Variants in SPAG16 observed in about 807,000 individuals in gnomAD.
SPAG16 encodes the protein sperm associated antigen 16, also known as sperm-associated antigen 16 protein.
Under a neutral mutation model 80.4 loss-of-function variants are expected in SPAG16, and 86 were observed. The ratio of observed to expected loss-of-function variants is 1.07; its 90% CI spans 0.90 to 1.28. The LOEUF (loss-of-function observed/expected upper bound fraction) is 1.28. Ranked by LOEUF, SPAG16 falls within the 50% of genes most tolerant of loss-of-function variation. SPAG16 has a pLI of 0.00. For missense variants in SPAG16, 870 were observed against 765.3 expected (o/e 1.14, Z -1.61); for synonymous variants, 294 against 265.9 (o/e 1.11, Z -1.03).
At chr2:213,444,199 C>T (rs1179163424) in intron 9 of SPAG16, among the ~76,000 whole-genome samples, 5 of 152,118 alleles carry the variant, frequency 3.3e-5, no homozygotes, top group South Asian at 4.1e-4. Flanking sequence ...AACCTTGGGG[C>T]TCTGTAAGTG....
intron 10 of SPAG16, among the ~76,000 whole-genome samples, chr2:213,768,763 A>ATT (rs930035775): frequency 6.6e-6 from 1 of 152,220 alleles, no homozygotes; most frequent in Non-Finnish European, 1.5e-5. Flanking sequence ...GTGGCTATAA[A>ATT]TTTGTAAATC....
At chr2:213,922,655 G>T (rs569420901) in intron 11 of SPAG16, among the ~76,000 whole-genome samples, 1 of 152,110 alleles carries the variant, frequency 6.6e-6, no homozygotes, top group African/African-American at 2.4e-5. Flanking sequence ...ATTTGTGTGG[G>T]CTGATGTTCC....
chr2:213,404,004 T>C lies in SPAG16; in HGVS notation c.942+28885T>C, dbSNP rs1268509141. 3.3e-5 allele frequency among the ~76,000 whole-genome samples: 5 copies of C among 152,046 alleles called. 1 individual carries two copies. The highest frequency in any genetic ancestry group is 4.1e-4 in the South Asian group (2 of 4,820). ...ACCTAGGAATCCAACTTACAAGGGA[T>C]GTGAAGGACCTCTTCAAGGAGAACT... On this transcript the variant is annotated intron_variant, in intron 9 of 15. Coordinates refer to ENST00000331683, the MANE Select transcript of SPAG16 (RefSeq NM_024532.5).
At chr2:213,836,005 G>A (rs953663689) in intron 10 of SPAG16, among the ~76,000 whole-genome samples, 1 of 152,014 alleles carries the variant, frequency 6.6e-6, no homozygotes, top group Non-Finnish European at 1.5e-5. Flanking sequence ...TTGATAAGTG[G>A]TTTCTTTATA....
chr2:214,231,904 TAA>T (rs1688727928), intron 15 of SPAG16, among the ~76,000 whole-genome samples: 1 of 152,118 alleles, frequency 6.6e-6, no homozygotes, highest in South Asian at 2.1e-4. Context: ...TTTCTTTTAT[TAA>T]AAAGAGACTA....
chr2:213,667,459 G>A (rs1035100658), intron 10 of SPAG16, among the ~76,000 whole-genome samples: 3 of 152,164 alleles, frequency 2.0e-5, no homozygotes, highest in Non-Finnish European at 2.9e-5. Flanking sequence ...GGTAAACTAA[G>A]TGATCTCTAA....
chr2:213,642,077 G>A (rs886459806), intron 10 of SPAG16, among the ~76,000 whole-genome samples: 12 of 152,194 alleles, frequency 7.9e-5, no homozygotes, highest in African/African-American at 2.9e-4. Flanking sequence ...AATTCAAGAT[G>A]AGATTTGGGT....
intron 14 of SPAG16, among the ~76,000 whole-genome samples, chr2:214,123,128 T>A (rs892195545): frequency 6.6e-6 from 1 of 151,924 alleles, no homozygotes; most frequent in East Asian, 1.9e-4. Flanking sequence ...TTAAAAAAAT[T>A]AATTAGAATA....
chr2:213,794,821 G>T (rs2070925594), intron 10 of SPAG16, among the ~76,000 whole-genome samples: 1 of 152,112 alleles, frequency 6.6e-6, no homozygotes, highest in Admixed American at 6.5e-5. Context: ...TAAGATGGCA[G>T]TTGATAAGAG....
At chr2:213,681,396 T>C (rs565278393) in intron 10 of SPAG16, among the ~76,000 whole-genome samples, 1 of 152,266 alleles carries the variant, frequency 6.6e-6, no homozygotes, top group Admixed American at 6.5e-5. Flanking sequence ...AGATAAAAAA[T>C]CAGAACTTAG....
At chr2:214,312,010 T>C (rs1272156384) in intron 15 of SPAG16, among the ~76,000 whole-genome samples, 2 of 152,196 alleles carry the variant, frequency 1.3e-5, no homozygotes, top group Non-Finnish European at 2.9e-5. Flanking sequence ...TGACAGCGTA[T>C]ATTTGAAAAT....
rs2062331301 is a variant in SPAG16, at chr2:213,292,669, A to AAAAAC, written c.137-3391_137-3390insCAAAA. On this transcript the variant is annotated intron_variant, in intron 1 of 15. Transcript: ENST00000331683. ...ACAGAGCGAGACTCCGTCTCAAAAA[A>AAAAAC]AAAAAACAAAAAAAACAAAAAAAAA... Among the ~76,000 whole-genome samples the AAAAAC allele has an allele frequency of 3.9e-5, 5 of 128,468 alleles. No individual in the cohort carries two copies. In the South Asian group the frequency reaches 1.1e-3, roughly 29 times the overall value. The allele number at this position is 128,468 out of a possible 152,430, so 84.3% of individuals were successfully genotyped here.
chr2:213,350,002 G>T (rs2065237191), intron 6 of SPAG16, among the ~76,000 whole-genome samples: 1 of 152,116 alleles, frequency 6.6e-6, no homozygotes, highest in Non-Finnish European at 1.5e-5. Flanking sequence ...AAATAAAACA[G>T]ATTTTTTAAA....
chr2:214,038,394 C>G (rs2048821977), intron 13 of SPAG16, among the ~76,000 whole-genome samples: 1 of 151,986 alleles, frequency 6.6e-6, no homozygotes, highest in Admixed American at 6.6e-5. Context: ...TTTGTCAGAA[C>G]ATATAACACA....
chr2:214,322,943 G>A (rs1249603642), intron 15 of SPAG16, among the ~76,000 whole-genome samples: 1 of 152,090 alleles, frequency 6.6e-6, no homozygotes, highest in South Asian at 2.1e-4. Flanking sequence ...CTGCAAATCC[G>A]GTTACTCACT....
chr2:213,339,937 A>T (rs2064586234), intron 5 of SPAG16, among the ~76,000 whole-genome samples: 1 of 152,132 alleles, frequency 6.6e-6, no homozygotes, highest in African/African-American at 2.4e-5. Flanking sequence ...AATGTAGATG[A>T]ATCATATTTT....
rs748102759 is a variant in SPAG16 at position 213,310,084 on chromosome 2, A to T, written c.305A>T (p.Lys102Met). The T allele has an allele frequency of 3.1e-6, 5 of 1,608,786 alleles. No individual in the cohort carries two copies. Among genetic ancestry groups the T allele is most frequent in the Non-Finnish European group, 4.2e-6 (5 of 1,177,572 alleles). ...ILERKTVLPS[K>M]HAVPEVIEDF... is the part of the protein sequence containing the mutation. ...GAACGGAAAACAGTTCTTCCTTCAA[A>T]GCATGCAGTACCTGAAGTAATAGAA... Residue 102 changes from lysine to methionine, a missense_variant, in exon 4 of 16, where the codon AAG becomes ATG. By Grantham distance (95) the Lys-to-Met change is moderately conservative (BLOSUM62 -1). Coordinates refer to ENST00000331683, the MANE Select transcript of SPAG16 (RefSeq NM_024532.5).
intron 10 of SPAG16, among the ~76,000 whole-genome samples, chr2:213,499,808 C>T (rs192302629): frequency 1.1e-3 from 165 of 152,172 alleles, no homozygotes; most frequent in Admixed American, 2.6e-3. Flanking sequence ...TTCAGCCTGC[C>T]TTATTCTCTC....
chr2:213,443,086 T>C (rs1575600117), intron 9 of SPAG16, among the ~76,000 whole-genome samples: 2 of 152,308 alleles, frequency 1.3e-5, no homozygotes, highest in Non-Finnish European at 2.9e-5. Flanking sequence ...TGTTTTGATA[T>C]ATATTATGCA....
Sources: allele counts gnomAD v4.1 joint callset (sites outside exome capture counted in the v4.1 genomes callset), GRCh38; gene constraint gnomAD v4.1.1; transcripts MANE v1.5; gene names NCBI Gene and HGNC (gene_info 2026-07-23, HGNC 2026-07-21).